The following SCAI variants were observed in gnomAD, a reference collection of about 807,000 sequenced individuals.
The protein encoded by SCAI is protein SCAI.
SCAI carries 24 observed loss-of-function variants against 92.2 expected under a neutral mutation model. That is an observed-to-expected ratio of 0.26 (90% CI 0.19 to 0.37). The LOEUF is 0.37. Ranked by LOEUF, SCAI falls within the 10% of genes least tolerant of loss-of-function variation. SCAI has a pLI of 1.00. For missense variants in SCAI, 450 were observed against 736.2 expected (o/e 0.61, Z 4.50); for synonymous variants, 261 against 258.6 (o/e 1.01, Z -0.09).
At chr9:125,011,434 T>C (rs1041712916) in intron 9 of SCAI, among the ~76,000 whole-genome samples, 33 of 151,930 alleles carry the variant, frequency 2.2e-4, no homozygotes, top group Non-Finnish European at 4.7e-4. Context: ...AGGGTATCAG[T>C]GATGAAAGAT....
At chr9:124,975,971 T>C (rs1831746013) in intron 15 of SCAI, 143 bp downstream of exon 15, 1 of 541,328 alleles carries the variant, frequency 1.8e-6, no homozygotes, top group Non-Finnish European at 3.3e-6. Context: ...TCTGGGTATA[T>C]TTCAGAGCGA....
chr9:125,055,095 G>A (rs1433898770), intron 3 of SCAI, among the ~76,000 whole-genome samples: 2 of 151,852 alleles, frequency 1.3e-5, no homozygotes, highest in African/African-American at 4.8e-5. Flanking sequence ...CCAAACCTGG[G>A]GATGTATAAT....
chr9:125,045,623 G>A (rs1028402393), intron 3 of SCAI, among the ~76,000 whole-genome samples: 9 of 152,246 alleles, frequency 5.9e-5, no homozygotes, highest in Non-Finnish European at 8.8e-5. Flanking sequence ...GGCATGAGTC[G>A]CTGTGCCTGG....
In SCAI at chr9:125,053,308, C is replaced by T. The variant is rs183164594; in HGVS notation, c.230+2568G>A. The stretch of plus-strand genomic sequence containing the variant: ...AAAATCGTGTCATTGCACTCCAGCC[C>T]GGACGACAAGAGCAACACTCTGTCT... On this transcript the variant is annotated intron_variant, in intron 3 of 17. Transcript: ENST00000336505. 2.6e-5 allele frequency among the ~76,000 whole-genome samples: 4 copies of T among 152,066 alleles called. No individual in the cohort carries two copies. The East Asian group carries it at 5.8e-4, about 22-fold the overall frequency.
chr9:124,965,940 T>C (rs1831530701), intron 17 of SCAI, among the ~76,000 whole-genome samples: 1 of 152,184 alleles, frequency 6.6e-6, no homozygotes, highest in South Asian at 2.1e-4. Context: ...CACAATTTAC[T>C]GGAGAGACAA....
chr9:125,077,159 C>T (rs745485777), intron 2 of SCAI, among the ~76,000 whole-genome samples: 6 of 152,162 alleles, frequency 3.9e-5, no homozygotes, highest in Non-Finnish European at 7.3e-5. Context: ...TGATGTATTC[C>T]GTCACAATTC....
chr9:125,021,678 T>C (rs1359733142), intron 6 of SCAI, among the ~76,000 whole-genome samples: 1 of 152,140 alleles, frequency 6.6e-6, no homozygotes, highest in Non-Finnish European at 1.5e-5. Context: ...GTATTTTTTG[T>C]GTGTATGTTC....
chr9:125,120,647 C>T (rs542670624), intron 2 of SCAI, among the ~76,000 whole-genome samples: 59 of 152,154 alleles, frequency 3.9e-4, no homozygotes, highest in African/African-American at 1.4e-3. Flanking sequence ...GAACTGAGAT[C>T]GCACCACTGC....
chr9:125,028,876 C>T (rs1317082470), intron 4 of SCAI, among the ~76,000 whole-genome samples: 1 of 152,148 alleles, frequency 6.6e-6, no homozygotes, highest in Non-Finnish European at 1.5e-5. Context: ...GGGCTCACTG[C>T]AACCTCCGCC....
chr9:125,123,861 G>T (rs1311699351), intron 2 of SCAI, among the ~76,000 whole-genome samples: 1 of 152,202 alleles, frequency 6.6e-6, no homozygotes, highest in East Asian at 1.9e-4. Context: ...CCTTCAACAT[G>T]CACTCCCCGT....
chr9:125,103,272 T>C (rs1207292314), intron 2 of SCAI, among the ~76,000 whole-genome samples: 1 of 152,208 alleles, frequency 6.6e-6, no homozygotes, highest in African/African-American at 2.4e-5. Context: ...TTTTCCTGTT[T>C]CTTCTGCATC....
At chr9:125,078,005 C>A (rs1834130223) in intron 2 of SCAI, among the ~76,000 whole-genome samples, 1 of 151,832 alleles carries the variant, frequency 6.6e-6, no homozygotes, top group South Asian at 2.1e-4. Context: ...CAGGCGTAAG[C>A]CACCGTACCC....
At chr9:124,983,107 G>A (rs1324881392) in intron 14 of SCAI, among the ~76,000 whole-genome samples, 3 of 150,458 alleles carry the variant, frequency 2.0e-5, no homozygotes, top group Non-Finnish European at 2.9e-5. Context: ...AGCTATGACT[G>A]TACCACTGCA....
At chr9:125,049,725 T>C (rs993877542) in intron 3 of SCAI, among the ~76,000 whole-genome samples, 4 of 152,170 alleles carry the variant, frequency 2.6e-5, no homozygotes, top group Non-Finnish European at 5.9e-5. Flanking sequence ...CTTAATATAA[T>C]GTGGAAAGAC....
rs553425167 is a variant in SCAI at position 125,137,222 on chromosome 9, C to T, written c.98+5411G>A. On this transcript the variant is annotated intron_variant, in intron 2 of 17. Coordinates refer to ENST00000336505, the MANE Select transcript of SCAI (RefSeq NM_001144877.3). The stretch of plus-strand genomic sequence containing the variant: ...CCCATAGGACCTTTAAATACATGTG[C>T]TGGTTGTCCATTCAGGTCAAAATGC... Among the ~76,000 whole-genome samples the T allele has an allele frequency of 2.6e-5, 4 of 152,296 alleles. No individual in the cohort carries two copies. In the East Asian group the frequency reaches 7.7e-4, roughly 29 times the overall value.
Position 124,992,556 on chromosome 9 carries a change from T to A in SCAI, c.1326+2378A>T, listed in dbSNP as rs547373333. Among the ~76,000 whole-genome samples the A allele has an allele frequency of 3.9e-5, 6 of 152,014 alleles. No individual in the cohort carries two copies. The South Asian group carries it at 8.3e-4, about 21-fold the overall frequency. ...ACACCACCCCTCCCAGCTAATTTTT[T>A]AATTTCCAGTAGAGACGGGATTTCA... On this transcript the variant is annotated intron_variant, in intron 14 of 17. Coordinates refer to ENST00000336505, the MANE Select transcript of SCAI (RefSeq NM_001144877.3).
At chr9:125,023,060 C>A (rs1832902175) in intron 6 of SCAI, among the ~76,000 whole-genome samples, 6 of 152,072 alleles carry the variant, frequency 3.9e-5, no homozygotes, top group Admixed American at 2.6e-4. Flanking sequence ...CCCCTTTCTT[C>A]TTTCATATTA....
chr9:124,994,148 C>T (rs1320837410), intron 14 of SCAI, among the ~76,000 whole-genome samples: 2 of 151,914 alleles, frequency 1.3e-5, no homozygotes, highest in East Asian at 3.9e-4. Context: ...GAGTCTCCCG[C>T]CTCAGCCTCC....
chr9:125,004,779 ATTTTTTTT>A (rs869167558), intron 9 of SCAI, among the ~76,000 whole-genome samples: 1 of 13,172 alleles, frequency 7.6e-5, no homozygotes, highest in African/African-American at 2.4e-4. Flanking sequence ...ATATATATAT[ATTTTTTTT>A]TTTTTTTTTT....
Sources: allele counts gnomAD v4.1 joint callset (sites outside exome capture counted in the v4.1 genomes callset), GRCh38; gene constraint gnomAD v4.1.1; transcripts MANE v1.5; gene names NCBI Gene and HGNC (gene_info 2026-07-23, HGNC 2026-07-21).